The following RUNX1 variants were observed in gnomAD, a reference collection of about 807,000 sequenced individuals.
The protein encoded by RUNX1 is runt-related transcription factor 1.
RUNX1 carries 19 observed loss-of-function variants against 42.8 expected under a neutral mutation model. The ratio of observed to expected loss-of-function variants is 0.44; its 90% confidence interval spans 0.31 to 0.65. The LOEUF (loss-of-function observed/expected upper bound fraction) is 0.65. Ranked by LOEUF, RUNX1 falls within the 30% of genes least tolerant of loss-of-function variation. The pLI, the probability that RUNX1 is intolerant of heterozygous loss-of-function variation, is 0.07. For synonymous variants in RUNX1, 271 were observed against 289.4 expected (o/e 0.94, Z 0.64); for missense variants, 528 against 672.0 (o/e 0.79, Z 2.37).
intron 8 of RUNX1, among the ~76,000 whole-genome samples, chr21:34,797,346 T>C (rs190946421): frequency 2.3e-4 from 35 of 152,348 alleles, no homozygotes; most frequent in African/African-American, 7.2e-4. Flanking sequence ...AACTGTGATA[T>C]GGGACTTTGG....
intron 2 of RUNX1, among the ~76,000 whole-genome samples, chr21:34,930,270 G>GTGTATATATATATATATATATA (rs372412304): frequency 2.4e-5 from 3 of 122,992 alleles, no homozygotes; most frequent in African/African-American, 1.1e-4. Flanking sequence ...GTGTGTGTAT[G>GTGTATATATATATATATATATA]TATATATATA....
chr21:34,879,601 G>T (rs1439478722), intron 5 of RUNX1, among the ~76,000 whole-genome samples: 1 of 151,746 alleles, frequency 6.6e-6, no homozygotes, highest in Non-Finnish European at 1.5e-5. Flanking sequence ...TGTTATTTAG[G>T]TATTTACCAT....
chr21:34,909,067 C>A (rs1235462537), intron 2 of RUNX1, among the ~76,000 whole-genome samples: 3 of 152,150 alleles, frequency 2.0e-5, no homozygotes, highest in African/African-American at 7.2e-5. Flanking sequence ...ACAAATTAAA[C>A]CTGAATCTTA....
At chr21:35,046,976 C>T (rs1460182381) in intron 2 of RUNX1, among the ~76,000 whole-genome samples, 1 of 152,124 alleles carries the variant, frequency 6.6e-6, no homozygotes, top group African/African-American at 2.4e-5. Flanking sequence ...CACAGGAGCC[C>T]TGGGCTTGTC....
intron 6 of RUNX1, among the ~76,000 whole-genome samples, chr21:34,844,046 T>C (rs2057281423): frequency 1.3e-5 from 2 of 152,078 alleles, no homozygotes; most frequent in African/African-American, 4.8e-5. Flanking sequence ...ATCCCAAATA[T>C]TAGCAACCCT....
At chr21:34,888,156 G>A in intron 3 of RUNX1, 1 of 1,066,440 alleles carries the variant, frequency 9.4e-7, no homozygotes, top group Non-Finnish European at 1.1e-6. Context: ...CCCTGACTCG[G>A]GCAGCAGCGA....
At chr21:34,822,693 CAGAAAGGCCA>C (rs1287510034) in intron 7 of RUNX1, among the ~76,000 whole-genome samples, 1 of 152,182 alleles carries the variant, frequency 6.6e-6, no homozygotes, top group Admixed American at 6.5e-5. Context: ...ACTTAGTGGG[CAGAAAGGCCA>C]AGTCGAGCCC....
intron 8 of RUNX1, 94 bp downstream of exon 8, chr21:34,799,207 T>G: frequency 1.5e-6 from 2 of 1,341,432 alleles, no homozygotes; most frequent in Non-Finnish European, 2.1e-6. Context: ...CATGTTTTAC[T>G]CAATAATGTT....
intron 6 of RUNX1, among the ~76,000 whole-genome samples, chr21:34,855,537 T>G (rs1447432476): frequency 1.3e-5 from 2 of 152,162 alleles, no homozygotes; most frequent in African/African-American, 4.8e-5. Flanking sequence ...AAACCCCGTC[T>G]CTACTAAAAA....
intron 7 of RUNX1, among the ~76,000 whole-genome samples, chr21:34,805,729 T>C (rs2145931742): frequency 6.6e-6 from 1 of 152,240 alleles, no homozygotes; most frequent in South Asian, 2.1e-4. Context: ...AAGAACTGCA[T>C]AAAAAAGGAA....
intron 1 of RUNX1, 101 bp from the exon 2 acceptor site, chr21:35,049,059 C>G: frequency 1.5e-6 from 1 of 676,774 alleles, no homozygotes; most frequent in East Asian, 2.5e-5. Flanking sequence ...TGGGACTCCC[C>G]AAGCCCTATT....
intron 2 of RUNX1, among the ~76,000 whole-genome samples, chr21:34,975,365 C>T (rs75262962): frequency 0.013 from 2,029 of 152,292 alleles, 54 homozygotes; most frequent in African/African-American, 0.047. Flanking sequence ...ATTGAACATG[C>T]GCAGACTTTT....
chr21:34,890,467 C>T (rs75009210), intron 3 of RUNX1, among the ~76,000 whole-genome samples: 1 of 152,174 alleles, frequency 6.6e-6, no homozygotes, highest in Non-Finnish European at 1.5e-5. Flanking sequence ...CTGTGCGGCC[C>T]GGTCGGGGTC....
chr21:34,972,384 T>C (rs1460894480), intron 2 of RUNX1, among the ~76,000 whole-genome samples: 1 of 152,238 alleles, frequency 6.6e-6, no homozygotes, highest in African/African-American at 2.4e-5. Flanking sequence ...GTAAAAATTA[T>C]TTATATCTCT....
At chr21:34,983,039 CT>C (rs891723483) in intron 2 of RUNX1, among the ~76,000 whole-genome samples, 2 of 152,184 alleles carry the variant, frequency 1.3e-5, no homozygotes, top group African/African-American at 4.8e-5. Flanking sequence ...GCACCTAGTT[CT>C]TCATCCTTTT....
rs749770653 is a variant in RUNX1 at position 34,851,409 on chromosome 21, G to A, written c.613+8065C>T. Among the ~76,000 whole-genome samples, 13 of 152,142 alleles carry A rather than the reference G, an allele frequency of 8.5e-5. No homozygotes were observed. In the South Asian group the frequency reaches 1.4e-3, roughly 17 times the overall value. The stretch of plus-strand genomic sequence containing the variant: ...TGAGAACTAATTTAGAGATTATCTC[G>A]TCCCATTGCCTGGTTCAACAGGAGA... On this transcript the variant is annotated intron_variant, in intron 6 of 8. Coordinates refer to ENST00000675419, the MANE Select transcript of RUNX1 (RefSeq NM_001754.5).
In RUNX1 at chr21:34,843,525, C is replaced by G. The variant is rs1414000867; in HGVS notation, c.614-8924G>C. Among the ~76,000 whole-genome samples the G allele has an allele frequency of 6.6e-6, 1 of 152,166 alleles. No homozygotes were observed. Among genetic ancestry groups the G allele is most frequent in the Non-Finnish European group, 1.5e-5 (1 of 68,022 alleles). Reference sequence around the variant, plus strand: ...TCACACATCCATACATCCACTCACACACACACACCGTTCTGTGATCGCCCT... The same window carrying G: ...TCACACATCCATACATCCACTCACAGACACACACCGTTCTGTGATCGCCCT... On this transcript the variant is annotated intron_variant, in intron 6 of 8. Transcript: ENST00000675419. The surrounding 1 kb of genome is among the most constrained non-coding windows in gnomAD (Gnocchi z 4.8).
At chr21:34,949,761 G>A (rs1247756503) in intron 2 of RUNX1, among the ~76,000 whole-genome samples, 2 of 152,222 alleles carry the variant, frequency 1.3e-5, no homozygotes, top group Non-Finnish European at 2.9e-5. Context: ...TACTCTCATC[G>A]TTAGCCAACG....
Position 34,977,317 on chromosome 21 carries a change from A to G in RUNX1, c.58+71525T>C, listed in dbSNP as rs553490790. Among the ~76,000 whole-genome samples the G allele has an allele frequency of 4.8e-4, 73 of 152,332 alleles. 1 individual carries two copies. Among genetic ancestry groups the G allele is most frequent in the African/African-American group, 1.7e-3 (70 of 41,574 alleles). ...GAGCCAATATAATAATAATTGGTGAACTGCTATTATCTTTCAATGATCTTC... is the reference window on the plus strand; with the variant it reads ...GAGCCAATATAATAATAATTGGTGAGCTGCTATTATCTTTCAATGATCTTC... On this transcript the variant is annotated intron_variant, in intron 2 of 8. Transcript: ENST00000675419.
Sources: allele counts gnomAD v4.1 joint callset (sites outside exome capture counted in the v4.1 genomes callset), GRCh38; gene constraint gnomAD v4.1.1; non-coding constraint Gnocchi (gnomAD v3.1); transcripts MANE v1.5; gene names NCBI Gene and HGNC (gene_info 2026-07-23, HGNC 2026-07-21).